IL17A: variants seen among roughly 807,000 people sequenced by gnomAD.
The protein encoded by IL17A is interleukin-17A.
A neutral mutation model predicts 7.2 loss-of-function variants in IL17A; 1 was observed. The ratio of observed to expected loss-of-function variants is 0.14; its 90% CI spans 0.05 to 0.66. The LOEUF is 0.66. IL17A is among the 30% of genes least tolerant of loss of function. The pLI, the probability that IL17A is intolerant of heterozygous loss-of-function variation, is 0.84. For missense variants in IL17A, 191 were observed against 197.1 expected (o/e 0.97, Z 0.18); for synonymous variants, 90 against 77.7 (o/e 1.16, Z -0.83).
rs145530358 is a variant in IL17A, at chr6:52,189,192, G to T, written c.368G>T (p.Arg123Leu). ...ATCCAGCAAGAGATCCTGGTCCTGC[G>T]CAGGGAGCCTCCACACTGCCCCAAC... is the stretch of plus-strand genomic sequence containing the variant. ...VPIQQEILVL[R>L]REPPHCPNSF... is the part of the protein sequence containing the mutation. Residue 123 changes from arginine (R) to leucine (L), a missense_variant, in exon 3 of 3, where the codon CGC becomes CTC. By Grantham distance (102) the Arg-to-Leu change is moderately radical (BLOSUM62 -2). Transcript: ENST00000648244. The T allele has an allele frequency of 7.4e-6, 12 of 1,614,016 alleles. No individual in the cohort carries two copies. Among genetic ancestry groups the T allele is most frequent in the Non-Finnish European group, 1.0e-5 (12 of 1,180,010 alleles).
Position 52,189,127 on chromosome 6 carries a change from C to T in IL17A, c.303C>T (p.Asn101=), listed in dbSNP as rs767532310. 9 of 1,614,034 alleles carry T rather than the reference C, an allele frequency of 5.6e-6. No homozygotes were observed. The highest frequency in any genetic ancestry group is 1.6e-4 in the Middle Eastern group (1 of 6,084). ...EAKCRHLGCI[N]ADGNVDYHMN... ...AGTGCCGCCACTTGGGCTGCATCAA[C>T]GCTGATGGGAACGTGGACTACCACA... is the stretch of plus-strand genomic sequence containing the variant. The change falls in exon 3 of 3, where the codon AAC becomes AAT. Residue 101 remains asparagine, a synonymous_variant. Transcript: ENST00000648244.
chr6:52,187,494 T>A, intron 1 of IL17A, 109 bp from the exon 2 acceptor site: 1 of 891,620 alleles, frequency 1.1e-6, no homozygotes. Context: ...CCTGGAACAT[T>A]GTGTGTTCTC....
rs532385992 is a variant in IL17A, at chr6:52,186,400, C to A, written c.-32C>A. 2.3e-5 allele frequency: 37 copies of A among 1,613,020 alleles called. No individual in the cohort carries two copies. The South Asian group carries it at 3.7e-4, about 16-fold the overall frequency. ...GTCCATCTCATAGCAGGCACAAACTCATCCATCCCCAGTTGATTGGAAGAA... is the reference window on the plus strand; with the variant it reads ...GTCCATCTCATAGCAGGCACAAACTAATCCATCCCCAGTTGATTGGAAGAA... On this transcript the variant is annotated 5_prime_UTR_variant, in exon 1 of 3. Coordinates refer to ENST00000648244, the MANE Select transcript of IL17A (RefSeq NM_002190.3).
chr6:52,186,486 C>T (rs369837714), intron 1 of IL17A, 28 bp downstream of exon 1: 1 of 1,612,214 alleles, frequency 6.2e-7, no homozygotes, highest in Non-Finnish European at 8.5e-7. Flanking sequence ...GTGCGATGCT[C>T]TTGCTGATTT....
rs1421825821 is a variant in IL17A at position 52,186,447 on chromosome 6, A to C, written c.16A>C (p.Thr6Pro). 3.7e-6 allele frequency: 6 copies of C among 1,613,804 alleles called. No individual in the cohort carries two copies. The highest frequency in any genetic ancestry group is 5.1e-6 in the Non-Finnish European group (6 of 1,179,856). MTPGK[T>P]SLVSLLLLLS... is the part of the protein sequence containing the mutation. ...AGAAACAACGATGACTCCTGGGAAG[A>C]CCTCATTGGTGGTGAGTCCTGCACT... Residue 6 changes from threonine (T) to proline (P), a missense_variant, in exon 1 of 3, where the codon ACC becomes CCC. By Grantham distance (38) the Thr-to-Pro change is conservative (BLOSUM62 -1). Transcript: ENST00000648244.
At chr6:52,189,032 C>T (rs1170120014) in intron 2 of IL17A, 23 bp from the exon 3 acceptor site, 1 of 1,560,892 alleles carries the variant, frequency 6.4e-7, no homozygotes, top group Admixed American at 1.7e-5. Flanking sequence ...TCACTTTCCT[C>T]CTGATTTTTC....
chr6:52,189,060 A>G lies in IL17A; in HGVS notation c.236A>G (p.Asn79Ser), dbSNP rs768767102. ...RSTSPWNLHR[N>S]EDPERYPSVI... ...GATTTTTCTCCCCTCTGCAGCCGCA[A>G]TGAGGACCCTGAGAGATATCCCTCT... Residue 79 changes from asparagine to serine, a missense_variant, in exon 3 of 3, where the codon AAT becomes AGT. Asn to Ser is a conservative substitution (Grantham distance 46). Transcript: ENST00000648244. 1.4e-5 allele frequency: 22 copies of G among 1,610,304 alleles called. No individual in the cohort carries two copies. Among genetic ancestry groups the G allele is most frequent in the Admixed American group, 1.2e-4 (7 of 59,950 alleles).
chr6:52,187,517 T>C, intron 1 of IL17A, 86 bp from the exon 2 acceptor site: 1 of 1,002,208 alleles, frequency 1.0e-6, no homozygotes, highest in South Asian at 1.3e-5. Context: ...TGATTAGCAA[T>C]GCATCATCAT....
chr6:52,189,599 C>A lies in IL17A; in HGVS notation c.*307C>A, dbSNP rs991121455. 1 of 237,748 alleles carries A rather than the reference C, an allele frequency of 4.2e-6. No homozygotes were observed. Among genetic ancestry groups the A allele is most frequent in the Non-Finnish European group, 8.0e-6 (1 of 125,024 alleles). 14.7% of individuals were successfully genotyped at this position (237,748 alleles called of 1,614,324 possible). A position where few individuals can be genotyped will look rare whatever the true frequency, so the allele number is the denominator to read the frequency against. On this transcript the variant is annotated 3_prime_UTR_variant, in exon 3 of 3. Transcript: ENST00000648244. ...TGAGATAACTTTGGGGTATAAGATT[C>A]CATTTTAATGAATTACCTACTTTAT... is the stretch of plus-strand genomic sequence containing the variant.
chr6:52,188,856 T>C (rs542017421), intron 2 of IL17A, among the ~76,000 whole-genome samples, 199 bp from the exon 3 acceptor site: 1 of 152,026 alleles, frequency 6.6e-6, no homozygotes, highest in South Asian at 2.1e-4. Context: ...ACTGTCTTCT[T>C]TTCTATAACA....
Position 52,189,260 on chromosome 6 carries a change from TG to T in IL17A, c.437del (p.Cys146LeufsTer45). On this transcript the variant is annotated frameshift_variant, in exon 3 of 3. Coordinates refer to ENST00000648244, the MANE Select transcript of IL17A (RefSeq NM_002190.3). LOFTEE classifies it high-confidence loss of function. Reference protein sequence around the residue: ...EKILVSVGCTCVTPIVHHVA With the variant: ...EKILVSVGCTXVTPIVHHVA ...GATACTGGTGTCCGTGGGCTGCACC[TG>T]TGTCACCCCGATTGTCCACCATGTG... The T allele has an allele frequency of 6.2e-7, 1 of 1,614,068 alleles. No homozygotes were observed. The highest frequency in any genetic ancestry group is 8.5e-7 in the Non-Finnish European group (1 of 1,179,954).
chr6:52,187,938 A>G, intron 2 of IL17A, 133 bp downstream of exon 2: 1 of 742,654 alleles, frequency 1.3e-6, no homozygotes. Context: ...CACTGTGAAG[A>G]GCAATTCTCA....
At position 52,187,478 on chromosome 6, in the gene IL17A, G is replaced by A. The variant is rs1763305162; in HGVS notation, c.28-125G>A. The A allele has an allele frequency of 3.8e-5, 31 of 812,176 alleles. No homozygotes were observed. In the South Asian group the frequency reaches 4.4e-4, roughly 12 times the overall value. The allele number at this position is 812,176 out of a possible 1,614,324, so 50.3% of individuals were successfully genotyped here. A position where few individuals can be genotyped will look rare whatever the true frequency, so the allele number is the denominator to read the frequency against. Reference sequence around the variant, plus strand: ...TAGCTGATCTGAAAAATGTAGTATAGATTGTCCTGGAACATTGTGTGTTCT... The same window carrying A: ...TAGCTGATCTGAAAAATGTAGTATAAATTGTCCTGGAACATTGTGTGTTCT... On this transcript the variant is annotated intron_variant, in intron 1 of 2. Transcript: ENST00000648244.
At chr6:52,187,924 G>A (rs1763313417) in intron 2 of IL17A, 119 bp downstream of exon 2, 1 of 865,522 alleles carries the variant, frequency 1.2e-6, no homozygotes. Flanking sequence ...AAACCTGGAA[G>A]GACCACTGTG....
intron 1 of IL17A, among the ~76,000 whole-genome samples, chr6:52,187,220 G>A (rs8193039): frequency 0.023 from 3,574 of 152,216 alleles, 84 homozygotes; most frequent in East Asian, 0.11. Flanking sequence ...TGGTGCAGGA[G>A]GATATTTCTA....
In IL17A at chr6:52,186,450, T is replaced by A; in HGVS notation, c.19T>A (p.Ser7Thr). The change falls in exon 1 of 3, where the codon TCA becomes ACA. Residue 7 changes from serine (S) to threonine (T), a missense_variant. Coordinates refer to ENST00000648244, the MANE Select transcript of IL17A (RefSeq NM_002190.3). ...AACAACGATGACTCCTGGGAAGACC[T>A]CATTGGTGGTGAGTCCTGCACTAAC... is the stretch of plus-strand genomic sequence containing the variant. MTPGKT[S>T]LVSLLLLLSL... 3 of 1,613,934 alleles carry A rather than the reference T, an allele frequency of 1.9e-6. No individual in the cohort carries two copies. Among genetic ancestry groups the A allele is most frequent in the Non-Finnish European group, 2.5e-6 (3 of 1,179,848 alleles).
chr6:52,190,317 A>G lies in IL17A; in HGVS notation c.*1025A>G, dbSNP rs1220236028. The G allele has an allele frequency of 1.3e-5, 2 of 152,334 alleles. No homozygotes were observed. Among genetic ancestry groups the G allele is most frequent in the East Asian group, 3.9e-4 (2 of 5,192 alleles). The allele number at this position is 152,334 out of a possible 1,614,324, so 9.4% of individuals were successfully genotyped here. On this transcript the variant is annotated 3_prime_UTR_variant, in exon 3 of 3. Transcript: ENST00000648244. The stretch of plus-strand genomic sequence containing the variant: ...GTCATTATTAAAGATCATATGGGGA[A>G]AATGAAACCCTCCCCAAAATACAAG...
In IL17A at chr6:52,189,142, G is replaced by C; in HGVS notation, c.318G>C (p.Val106=). ...HLGCINADGN[V]DYHMNSVPIQ... ...GCTGCATCAACGCTGATGGGAACGT[G>C]GACTACCACATGAACTCTGTCCCCA... is the stretch of plus-strand genomic sequence containing the variant. The change falls in exon 3 of 3, where the codon GTG becomes GTC. Residue 106 remains valine (V), a synonymous_variant. Transcript: ENST00000648244. The C allele has an allele frequency of 1.9e-6, 3 of 1,614,130 alleles. No individual in the cohort carries two copies. Among genetic ancestry groups the C allele is most frequent in the Non-Finnish European group, 2.5e-6 (3 of 1,180,008 alleles).
At chr6:52,186,758 T>C (rs1763291716) in intron 1 of IL17A, among the ~76,000 whole-genome samples, 1 of 152,226 alleles carries the variant, frequency 6.6e-6, no homozygotes, top group African/African-American at 2.4e-5. Flanking sequence ...TCTGTTTTTC[T>C]GAGTACAAAG....
Sources: gnomAD v4.1 joint callset for allele counts (sites outside exome capture counted in the v4.1 genomes callset) on GRCh38, gnomAD v4.1.1 for gene constraint, MANE v1.5 for transcripts, NCBI Gene and HGNC (gene_info 2026-07-23, HGNC 2026-07-21) for gene names.